ARMC2: variants seen among roughly 807,000 people sequenced by gnomAD.
ARMC2 encodes the protein armadillo repeat containing 2.
ARMC2 carries 67 observed loss-of-function variants against 90.3 expected under a neutral mutation model. The ratio of observed to expected loss-of-function variants is 0.74; its 90% CI spans 0.61 to 0.91. ARMC2 has a LOEUF of 0.91. ARMC2 is among the 40% of genes least tolerant of loss of function. The probability of loss-of-function intolerance (pLI) is 0.00; values close to 1 mark genes in which losing one functional copy is unlikely to be tolerated. For missense variants in ARMC2, 920 were observed against 1,030.9 expected, an observed-to-expected ratio of 0.89 and a Z score of 1.47; for synonymous variants, 393 against 393.0, an observed-to-expected ratio of 1.00 and a Z score of 0.00.
At chr6:108,976,104 C>T (rs1325809132), downstream of ARMC2, among the ~76,000 whole-genome samples, 1 of 152,082 alleles carries the variant, frequency 6.6e-6, no homozygotes, top group African/African-American at 2.4e-5. Flanking sequence ...GGTATTATTG[C>T]CTAGGTTTTC....
At chr6:108,915,815 T>A (rs1025404277) in intron 10 of ARMC2, among the ~76,000 whole-genome samples, 2 of 151,784 alleles carry the variant, frequency 1.3e-5, no homozygotes, top group South Asian at 4.1e-4. Context: ...TGGAGGTGAG[T>A]GCATGGGGGG....
intron 3 of ARMC2, among the ~76,000 whole-genome samples, chr6:108,864,389 C>T (rs901948108): frequency 2.0e-5 from 3 of 151,852 alleles, no homozygotes; most frequent in African/African-American, 4.8e-5. Flanking sequence ...GCTGGGACTA[C>T]AGGCGCCCAC....
chr6:108,886,444 C>A (rs1376519762), intron 5 of ARMC2, among the ~76,000 whole-genome samples: 3 of 152,180 alleles, frequency 2.0e-5, no homozygotes, highest in Non-Finnish European at 4.4e-5. Flanking sequence ...AGGCACATGC[C>A]TGTAATCCCA....
the ARMC2 span, among the ~76,000 whole-genome samples, chr6:109,050,581 A>T: frequency 7.9e-5 from 12 of 152,300 alleles, no homozygotes; most frequent in Middle Eastern, 3.4e-3. Flanking sequence ...GCAGGCAAAC[A>T]TCAAAGCAGT....
chr6:108,856,450 C>T (rs1302113090), intron 2 of ARMC2: 1 of 210,350 alleles, frequency 4.8e-6, no homozygotes, highest in Non-Finnish European at 1.0e-5. Flanking sequence ...ATGGGGTTTC[C>T]CTCTCTGTCA....
chr6:109,000,644 T>A, the ARMC2 span: 1 of 1,608,810 alleles, frequency 6.2e-7, no homozygotes, highest in African/African-American at 1.3e-5. Flanking sequence ...GCAGGTTCAC[T>A]AAGTAGGAGC....
chr6:108,900,864 A>G (rs752763546), intron 7 of ARMC2, among the ~76,000 whole-genome samples: 1 of 152,104 alleles, frequency 6.6e-6, no homozygotes, highest in Non-Finnish European at 1.5e-5. Flanking sequence ...AGTCCTAAGG[A>G]TATGAATGTG....
intron 1 of ARMC2, among the ~76,000 whole-genome samples, chr6:108,851,859 G>A (rs1451700775): frequency 6.6e-6 from 1 of 152,164 alleles, no homozygotes; most frequent in Non-Finnish European, 1.5e-5. Context: ...AGAGTACTTA[G>A]CACAGTGCTT....
chr6:109,012,355 A>G, the ARMC2 span, among the ~76,000 whole-genome samples: 1 of 152,070 alleles, frequency 6.6e-6, no homozygotes, highest in Non-Finnish European at 1.5e-5. Flanking sequence ...AGTAATAGTA[A>G]TTCTGAAATA....
intron 8 of ARMC2, among the ~76,000 whole-genome samples, chr6:108,907,458 C>CTTT (rs759986578): frequency 1.9e-5 from 2 of 104,444 alleles, no homozygotes; most frequent in Non-Finnish European, 2.0e-5. Flanking sequence ...TTCTTTCTTT[C>CTTT]TTTTTTTTTT....
At chr6:108,871,466 A>C (rs1354334454) in intron 4 of ARMC2, among the ~76,000 whole-genome samples, 1 of 151,882 alleles carries the variant, frequency 6.6e-6, no homozygotes, top group Non-Finnish European at 1.5e-5. Context: ...TGCCAAGATG[A>C]GAGGGGCTGG....
At chr6:108,858,348 A>G (rs1774865912) in intron 3 of ARMC2, 77 bp downstream of exon 3, 1 of 1,037,900 alleles carries the variant, frequency 9.6e-7, no homozygotes, top group Non-Finnish European at 1.4e-6. Flanking sequence ...TGGAATCAGT[A>G]CTTATATATG....
chr6:108,959,242 C>T (rs1367497879), intron 13 of ARMC2, among the ~76,000 whole-genome samples: 2 of 152,100 alleles, frequency 1.3e-5, no homozygotes, highest in East Asian at 3.8e-4. Flanking sequence ...CTGAGCTTTC[C>T]TTTCAACATA....
chr6:109,021,615 T>C, the ARMC2 span, among the ~76,000 whole-genome samples: 1 of 152,106 alleles, frequency 6.6e-6, no homozygotes, highest in Admixed American at 6.5e-5. Context: ...TTTTTTTTTG[T>C]ATTTTTAGTG....
At chr6:108,910,409 T>TG (rs1773290765) in intron 8 of ARMC2, among the ~76,000 whole-genome samples, 1 of 152,148 alleles carries the variant, frequency 6.6e-6, no homozygotes, top group African/African-American at 2.4e-5. Flanking sequence ...TGAGCTGTGA[T>TG]GGCAGCATCA....
chr6:108,998,505 ATACT>A, the ARMC2 span: 2 of 1,613,466 alleles, frequency 1.2e-6, no homozygotes, highest in Non-Finnish European at 1.7e-6. Flanking sequence ...ATGACAAATA[ATACT>A]TACAGAAACA....
intron 7 of ARMC2, among the ~76,000 whole-genome samples, chr6:108,901,352 T>C (rs1271373218): frequency 6.6e-6 from 1 of 151,114 alleles, no homozygotes; most frequent in Non-Finnish European, 1.5e-5. Context: ...CCTGACCTTA[T>C]GATCCACCTG....
At chr6:108,870,320 G>C (rs1200646422) in intron 4 of ARMC2, among the ~76,000 whole-genome samples, 2 of 152,044 alleles carry the variant, frequency 1.3e-5, no homozygotes, top group East Asian at 3.9e-4. Context: ...AGAAAATCTG[G>C]CAACACTGGG....
chr6:108,904,510 G>A, intron 8 of ARMC2, 105 bp downstream of exon 8: 3 of 1,143,192 alleles, frequency 2.6e-6, no homozygotes, highest in Non-Finnish European at 3.5e-6. Context: ...CAGTGTATTT[G>A]TTTAGAATCT....
Sources: allele counts gnomAD v4.1 joint callset (sites outside exome capture counted in the v4.1 genomes callset), GRCh38; gene constraint gnomAD v4.1.1; transcripts MANE v1.5; gene names NCBI Gene and HGNC (gene_info 2026-07-23, HGNC 2026-07-21).